The following SDK2 variants were observed in gnomAD, a reference collection of about 807,000 sequenced individuals.
The protein encoded by SDK2 is protein sidekick-2.
A neutral mutation model predicts 253.9 loss-of-function variants in SDK2; 105 were observed. The observed-to-expected ratio is 0.41, with a 90% confidence interval of 0.35 to 0.49. SDK2 has a LOEUF of 0.49. SDK2 is among the 20% of genes least tolerant of loss of function. SDK2 has a pLI of 0.06. For missense variants in SDK2, 2,608 were observed against 3,003.0 expected (o/e 0.87, Z 3.07); for synonymous variants, 1,249 against 1,234.9 (o/e 1.01, Z -0.24).
At chr17:73,472,080 C>G (rs1249208709) in intron 3 of SDK2, 32 bp downstream of exon 3, 2 of 1,489,058 alleles carry the variant, frequency 1.3e-6, no homozygotes. Flanking sequence ...CCACAGTCGC[C>G]CCCCCTGCCC....
At chr17:73,631,284 G>A (rs2046267144) in intron 1 of SDK2, among the ~76,000 whole-genome samples, 1 of 152,140 alleles carries the variant, frequency 6.6e-6, no homozygotes, top group South Asian at 2.1e-4. Context: ...CTCTCTGCCT[G>A]TAGACACTAC....
intron 4 of SDK2, among the ~76,000 whole-genome samples, chr17:73,450,569 A>T (rs1410721251): frequency 6.6e-6 from 1 of 152,192 alleles, no homozygotes; most frequent in Non-Finnish European, 1.5e-5. Flanking sequence ...CCCACGTTCC[A>T]GTTCACCCAC....
intron 1 of SDK2, among the ~76,000 whole-genome samples, chr17:73,582,382 C>A (rs1212697386): frequency 6.6e-6 from 1 of 152,230 alleles, no homozygotes; most frequent in African/African-American, 2.4e-5. Flanking sequence ...GGGGTGCACA[C>A]CACGCAGGCA....
chr17:73,537,428 C>T (rs1041584563), intron 1 of SDK2, among the ~76,000 whole-genome samples: 1 of 152,174 alleles, frequency 6.6e-6, no homozygotes, highest in Admixed American at 6.5e-5. Context: ...CCACTTTGTT[C>T]CCCAGCCCCC....
intron 43 of SDK2, 49 bp from the exon 44 acceptor site, chr17:73,348,774 G>A (rs1348221219): frequency 2.6e-6 from 4 of 1,562,314 alleles, no homozygotes; most frequent in Non-Finnish European, 3.5e-6. Context: ...ACTCAGAGCG[G>A]CCTCCCCTGG....
At chr17:73,371,921 C>T (rs2062737131) in intron 36 of SDK2, among the ~76,000 whole-genome samples, 1 of 150,318 alleles carries the variant, frequency 6.7e-6, no homozygotes, top group Non-Finnish European at 1.5e-5. Context: ...GATAGCACCA[C>T]TGCACTCCAG....
intron 2 of SDK2, among the ~76,000 whole-genome samples, chr17:73,478,996 G>A (rs868447196): frequency 2.6e-5 from 4 of 152,240 alleles, no homozygotes; most frequent in Non-Finnish European, 5.9e-5. Flanking sequence ...ATTCATGCAC[G>A]CCGTGCTGTG....
rs1019561126 is a variant in SDK2, at chr17:73,642,019, C to T, written c.64+2006G>A. 4.6e-5 allele frequency among the ~76,000 whole-genome samples: 7 copies of T among 152,108 alleles called. No individual in the cohort carries two copies. The highest frequency in any genetic ancestry group is 1.9e-4 in the East Asian group (1 of 5,174). ...AGCAGGGGACCTGGGCAGCCTGACA[C>T]GCAAAAAGCCAGCAAACAAGAAAGG... On this transcript the variant is annotated intron_variant, in intron 1 of 44. Transcript: ENST00000392650. This position sits in a 1 kb window ranked among gnomAD's most constrained non-coding sequence, Gnocchi z 4.7.
chr17:73,487,043 C>T (rs200641222), intron 2 of SDK2, among the ~76,000 whole-genome samples: 1 of 152,276 alleles, frequency 6.6e-6, no homozygotes, highest in Non-Finnish European at 1.5e-5. Context: ...AAGTGATTCT[C>T]GTGCCTCAGC....
chr17:73,559,484 G>A (rs534875205), intron 1 of SDK2, among the ~76,000 whole-genome samples: 3 of 152,270 alleles, frequency 2.0e-5, no homozygotes, highest in South Asian at 2.1e-4. Flanking sequence ...CTCTGCCAAC[G>A]TGGAGAATGA....
At chr17:73,385,752 G>A (rs1220179473) in intron 32 of SDK2, 95 bp downstream of exon 32, 1 of 1,153,434 alleles carries the variant, frequency 8.7e-7, no homozygotes, top group Non-Finnish European at 1.3e-6. Flanking sequence ...GAACTTGGGG[G>A]CTCCACGCAG....
intron 15 of SDK2, 36 bp from the exon 16 acceptor site, chr17:73,419,342 G>T (rs772972955): frequency 1.9e-6 from 3 of 1,601,024 alleles, no homozygotes; most frequent in Middle Eastern, 3.3e-4. Context: ...TAGTCTTGGG[G>T]TCAAACACAG....
rs760195883 is a variant in SDK2, at chr17:73,401,666, CA to C, written c.2766del (p.Asn922LysfsTer21). The C allele has an allele frequency of 3.8e-6, 6 of 1,590,782 alleles. No homozygotes were observed. The highest frequency in any genetic ancestry group is 3.4e-6 in the Non-Finnish European group (4 of 1,167,614). ...CTGCAGTGCCTACCTGTGAGGATGC[CA>C]TTTTTCTCTCCCGGCTCTTGCCAGC... ...KVSWQEPGEK[N>X]GILTGYRISW... On this transcript the variant is annotated frameshift_variant, in exon 20 of 45. Transcript: ENST00000392650. LOFTEE classifies it high-confidence loss of function.
At position 73,365,340 on chromosome 17, in the gene SDK2, A is replaced by T; in HGVS notation, c.5223T>A (p.Asn1741Lys). ...KFSELTTTSV[N>K]VSWEAPQFPN... Reference sequence around the variant, plus strand: ...GGAACTGCGGGGCTTCCCAGGACACATTCACTGAGGTTGTGGTCAGCTCAC... The same window carrying T: ...GGAACTGCGGGGCTTCCCAGGACACTTTCACTGAGGTTGTGGTCAGCTCAC... The change falls in exon 38 of 45, where the codon AAT (asparagine) becomes AAA (lysine). Residue 1741 changes from asparagine (N) to lysine (K), a missense_variant. Around this residue, in one of 2 missense-constraint regions of SDK2, gnomAD observed 1,103 missense variants for 1,143.9 expected, o/e 0.96. Coordinates refer to ENST00000392650, the MANE Select transcript of SDK2 (RefSeq NM_001144952.2). The T allele has an allele frequency of 6.2e-7, 1 of 1,612,976 alleles. No homozygotes were observed. The highest frequency in any genetic ancestry group is 8.5e-7 in the Non-Finnish European group (1 of 1,179,492).
At position 73,612,528 on chromosome 17, in the gene SDK2, G is replaced by A. The variant is rs917688121; in HGVS notation, c.64+31497C>T. On this transcript the variant is annotated intron_variant, in intron 1 of 44. Coordinates refer to ENST00000392650, the MANE Select transcript of SDK2 (RefSeq NM_001144952.2). This position sits in a 1 kb window ranked among gnomAD's most constrained non-coding sequence, Gnocchi z 4.4. ...GAGTTCTGCAGCCGACAAGCCCAGG[G>A]TGGCAGCCTGAGGGTCCCGGCTTCC... 4.6e-5 allele frequency among the ~76,000 whole-genome samples: 7 copies of A among 152,286 alleles called. No homozygotes were observed. In the South Asian group the frequency reaches 1.0e-3, roughly 23 times the overall value.
Position 73,511,844 on chromosome 17 carries a change from G to A in SDK2, c.65-4247C>T, listed in dbSNP as rs2063983377. Among the ~76,000 whole-genome samples, 2 of 152,188 alleles carry A rather than the reference G, an allele frequency of 1.3e-5. No homozygotes were observed. Among genetic ancestry groups the A allele is most frequent in the Non-Finnish European group, 2.9e-5 (2 of 68,030 alleles). ...CTGTAGGAAGAATGACAGACTGAGG[G>A]GAAGAAGATGCTGCTGGGATAACAG... On this transcript the variant is annotated intron_variant, in intron 1 of 44. Coordinates refer to ENST00000392650, the MANE Select transcript of SDK2 (RefSeq NM_001144952.2). This position sits in a 1 kb window ranked among gnomAD's most constrained non-coding sequence, Gnocchi z 4.9.
In SDK2 at chr17:73,337,503, A is replaced by ATGTG. The variant is rs4035979; in HGVS notation, c.*1080_*1083dup. On this transcript the variant is annotated 3_prime_UTR_variant, in exon 45 of 45. Transcript: ENST00000392650. ...CCTGTTCCTTGTAAGTGCATGGGAG[A>ATGTG]TGTGTGTGTGTGTGTGTGTGTGGTG... 5,825 of 148,246 alleles carry ATGTG rather than the reference A, an allele frequency of 0.039. 138 individuals carry two copies. Among genetic ancestry groups the ATGTG allele is most frequent in the African/African-American group, 0.059 (2,374 of 40,320 alleles). 9.2% of individuals were successfully genotyped at this position (148,246 alleles called of 1,614,324 possible). A position where few individuals can be genotyped will look rare whatever the true frequency, so the allele number is the denominator to read the frequency against.
chr17:73,558,605 G>A (rs2045180995), intron 1 of SDK2, among the ~76,000 whole-genome samples: 1 of 152,122 alleles, frequency 6.6e-6, no homozygotes. Flanking sequence ...GCATTATTAG[G>A]CAGTGGACTA....
chr17:73,343,486 C>T (rs933140342), intron 44 of SDK2, among the ~76,000 whole-genome samples: 1 of 152,204 alleles, frequency 6.6e-6, no homozygotes, highest in African/African-American at 2.4e-5. Context: ...TCTCACGGGC[C>T]TCGGTAATTG....
Sources: gnomAD v4.1 joint callset for allele counts (sites outside exome capture counted in the v4.1 genomes callset) on GRCh38, gnomAD v4.1.1 for gene constraint, gnomAD v4.1.1 regional missense constraint, Gnocchi (gnomAD v3.1) non-coding constraint, MANE v1.5 for transcripts, NCBI Gene and HGNC (gene_info 2026-07-23, HGNC 2026-07-21) for gene names.